The following ZSWIM6 variants were observed in gnomAD, a reference collection of about 807,000 sequenced individuals.
ZSWIM6 encodes zinc finger SWIM-type containing 6.
A neutral mutation model predicts 113.2 loss-of-function variants in ZSWIM6; 9 were observed. That is an observed-to-expected ratio of 0.08 (90% CI 0.05 to 0.14). The LOEUF is 0.14. Among genes scored for constraint, ZSWIM6 ranks in the 10% least tolerant of loss-of-function variants. ZSWIM6 has a pLI of 1.00. For synonymous variants in ZSWIM6, 611 were observed against 606.5 expected (o/e 1.01, Z -0.11); for missense variants, 1,162 against 1,552.2 (o/e 0.75, Z 4.22).
chr5:61,363,256 A>G (rs1038706637), intron 1 of ZSWIM6, among the ~76,000 whole-genome samples: 1 of 152,260 alleles, frequency 6.6e-6, no homozygotes. Context: ...AAGGCTATCC[A>G]TACAAGAATG....
chr5:61,354,844 A>G (rs1232512899), intron 1 of ZSWIM6, among the ~76,000 whole-genome samples: 1 of 152,192 alleles, frequency 6.6e-6, no homozygotes, highest in East Asian at 1.9e-4. Context: ...GTGACTTATT[A>G]TATATTCCAT....
chr5:61,383,353 G>C (rs891649425), intron 1 of ZSWIM6, among the ~76,000 whole-genome samples: 4 of 152,160 alleles, frequency 2.6e-5, no homozygotes, highest in Admixed American at 2.6e-4. Context: ...GATAATGAAA[G>C]GCAGGTGATG....
chr5:61,349,763 A>T (rs1277899690), intron 1 of ZSWIM6, among the ~76,000 whole-genome samples: 1 of 152,214 alleles, frequency 6.6e-6, no homozygotes, highest in East Asian at 1.9e-4. Context: ...CTTTTGGGTT[A>T]CCTAGAAAAA....
chr5:61,505,676 T>TCTA (rs1561268429), intron 4 of ZSWIM6, among the ~76,000 whole-genome samples: 1 of 50,234 alleles, frequency 2.0e-5, no homozygotes, highest in African/African-American at 1.0e-4. Flanking sequence ...CCTTCCTTCT[T>TCTA]TCCTTGCCTC....
intron 1 of ZSWIM6, among the ~76,000 whole-genome samples, chr5:61,344,674 T>G (rs1230300122): frequency 6.6e-6 from 1 of 152,120 alleles, no homozygotes; most frequent in Admixed American, 6.5e-5. Context: ...AATCACCCTT[T>G]AGGGAAATAA....
intron 1 of ZSWIM6, among the ~76,000 whole-genome samples, chr5:61,363,487 C>CGGGA (rs1745076042): frequency 1.3e-5 from 2 of 152,198 alleles, no homozygotes; most frequent in Non-Finnish European, 2.9e-5. Flanking sequence ...TCTCGGCAAT[C>CGGGA]TCATCTCTGA....
chr5:61,369,384 C>G (rs1271308656), intron 1 of ZSWIM6, among the ~76,000 whole-genome samples: 1 of 152,178 alleles, frequency 6.6e-6, no homozygotes, highest in African/African-American at 2.4e-5. Context: ...TACATTCTTT[C>G]GACATGTCCC....
chr5:61,468,876 T>C (rs1418951068), intron 1 of ZSWIM6, among the ~76,000 whole-genome samples: 2 of 152,158 alleles, frequency 1.3e-5, no homozygotes, highest in Admixed American at 1.3e-4. Context: ...ATTGACTGAG[T>C]CAATGTATTG....
intron 4 of ZSWIM6, among the ~76,000 whole-genome samples, chr5:61,509,156 A>G (rs1376926849): frequency 6.6e-6 from 1 of 152,168 alleles, no homozygotes; most frequent in Non-Finnish European, 1.5e-5. Flanking sequence ...TGTCAATATT[A>G]TAGGAAAGAG....
At chr5:61,370,193 A>G (rs1301306188) in intron 1 of ZSWIM6, among the ~76,000 whole-genome samples, 1 of 152,234 alleles carries the variant, frequency 6.6e-6, no homozygotes, top group Non-Finnish European at 1.5e-5. Flanking sequence ...GTTTCAAAGA[A>G]CACTCAGATT....
intron 1 of ZSWIM6, among the ~76,000 whole-genome samples, chr5:61,451,162 A>G (rs1377531725): frequency 6.6e-6 from 1 of 152,156 alleles, no homozygotes; most frequent in Admixed American, 6.6e-5. Flanking sequence ...GCTCCTGTTC[A>G]GCTGGGGGAA....
At chr5:61,542,096 G>T in intron 13 of ZSWIM6, 131 bp downstream of exon 13, 2 of 707,846 alleles carry the variant, frequency 2.8e-6, no homozygotes, top group South Asian at 2.4e-5. Flanking sequence ...AGTCCACAAG[G>T]GCTTCCTTCT....
chr5:61,355,085 TTTTG>T (rs1267219571), intron 1 of ZSWIM6, among the ~76,000 whole-genome samples: 7 of 152,268 alleles, frequency 4.6e-5, no homozygotes, highest in Non-Finnish European at 7.4e-5. Context: ...GACTGATATT[TTTTG>T]TTTATCACAA....
intron 1 of ZSWIM6, among the ~76,000 whole-genome samples, chr5:61,452,738 T>C (rs1452298633): frequency 3.3e-5 from 5 of 152,324 alleles, no homozygotes; most frequent in Middle Eastern, 3.4e-3. Context: ...CTTGGTACAA[T>C]ACCATTAAGT....
intron 9 of ZSWIM6, among the ~76,000 whole-genome samples, chr5:61,534,187 G>T (rs980809633): frequency 6.6e-6 from 1 of 152,124 alleles, no homozygotes; most frequent in African/African-American, 2.4e-5. Flanking sequence ...CAGTCATAAT[G>T]CTATATGAAC....
chr5:61,404,762 C>T (rs1267026198), intron 1 of ZSWIM6, among the ~76,000 whole-genome samples: 4 of 152,146 alleles, frequency 2.6e-5, no homozygotes, highest in Non-Finnish European at 5.9e-5. Context: ...TTCCAATCAC[C>T]TAGAGAGGGT....
At chr5:61,415,530 T>G (rs1481892709) in intron 1 of ZSWIM6, among the ~76,000 whole-genome samples, 1 of 150,642 alleles carries the variant, frequency 6.6e-6, no homozygotes, top group African/African-American at 2.4e-5. Context: ...AGTCACAGGT[T>G]GCAGTGAGCC....
chr5:61,390,438 T>C (rs938471650), intron 1 of ZSWIM6, among the ~76,000 whole-genome samples: 6 of 152,220 alleles, frequency 3.9e-5, no homozygotes, highest in African/African-American at 1.4e-4. Context: ...ATGACAGAAA[T>C]ATTTTTAGTG....
Position 61,466,112 on chromosome 5 carries a change from G to C in ZSWIM6, c.677-6569G>C, listed in dbSNP as rs931488967. On this transcript the variant is annotated intron_variant, in intron 1 of 13. Transcript: ENST00000252744. ...TTCTGCTGATCTGGAAATTGTACATGATTTACATTAAAACTTTTTGTTTTT... is the reference window on the plus strand; with the variant it reads ...TTCTGCTGATCTGGAAATTGTACATCATTTACATTAAAACTTTTTGTTTTT... Among the ~76,000 whole-genome samples the C allele has an allele frequency of 3.3e-5, 5 of 152,064 alleles. No individual in the cohort carries two copies. In the East Asian group the frequency reaches 9.6e-4, roughly 29 times the overall value.
Sources: allele counts gnomAD v4.1 joint callset (sites outside exome capture counted in the v4.1 genomes callset), GRCh38; gene constraint gnomAD v4.1.1; transcripts MANE v1.5; gene names NCBI Gene and HGNC (gene_info 2026-07-23, HGNC 2026-07-21).